ADAMTS3: variants seen among roughly 807,000 people sequenced by gnomAD.
ADAMTS3 encodes A disintegrin and metalloproteinase with thrombospondin motifs 3.
Under a neutral mutation model 129.0 loss-of-function variants are expected in ADAMTS3, and 73 were observed. The ratio of observed to expected loss-of-function variants is 0.57; its 90% CI spans 0.47 to 0.69. The LOEUF (loss-of-function observed/expected upper bound fraction) is 0.69, where lower values mean the gene tolerates loss of function less well. Among genes scored for constraint, ADAMTS3 ranks in the 30% least tolerant of loss-of-function variants. The pLI is 0.00. For synonymous variants in ADAMTS3, 477 were observed against 510.8 expected (o/e 0.93, Z 0.89); for missense variants, 1,457 against 1,514.5 (o/e 0.96, Z 0.63).
At position 72,443,754 on chromosome 4, in the gene ADAMTS3, A is replaced by G. The variant is rs995938846; in HGVS notation, c.505-28783T>C. Among the ~76,000 whole-genome samples the G allele has an allele frequency of 4.6e-5, 7 of 150,664 alleles. 1 individual carries two copies. Among genetic ancestry groups the G allele is most frequent in the Admixed American group, 4.6e-4 (7 of 15,092 alleles). On this transcript the variant is annotated intron_variant, in intron 3 of 21. Transcript: ENST00000286657. ...TTCCCATTTGAACCACTCCTTTTTC[A>G]TGTTTTTACTATTATTAGGTTAATT... is the stretch of plus-strand genomic sequence containing the variant.
At chr4:72,410,327 C>T (rs1722155827) in intron 4 of ADAMTS3, among the ~76,000 whole-genome samples, 1 of 152,252 alleles carries the variant, frequency 6.6e-6, no homozygotes, top group South Asian at 2.1e-4. Context: ...CCACCTGGGA[C>T]AAAAACACGC....
intron 19 of ADAMTS3, among the ~76,000 whole-genome samples, chr4:72,291,399 C>A: frequency 8.0e-6 from 1 of 124,498 alleles, no homozygotes. Context: ...TATCCCTCCC[C>A]CTCCCCCCAC....
intron 4 of ADAMTS3, among the ~76,000 whole-genome samples, chr4:72,373,121 G>A (rs961252965): frequency 1.3e-5 from 2 of 152,062 alleles, no homozygotes; most frequent in South Asian, 2.1e-4. Flanking sequence ...ACATGGAAAC[G>A]GAAAGGTCAA....
chr4:72,529,870 T>A (rs1406646769), intron 3 of ADAMTS3, among the ~76,000 whole-genome samples: 2 of 77,120 alleles, frequency 2.6e-5, no homozygotes, highest in African/African-American at 1.1e-4. Context: ...ATATATAATA[T>A]AAATTATATA....
intron 4 of ADAMTS3, among the ~76,000 whole-genome samples, chr4:72,394,157 C>T (rs1235647620): frequency 6.6e-6 from 1 of 152,128 alleles, no homozygotes; most frequent in Non-Finnish European, 1.5e-5. Flanking sequence ...AAAAAACCCA[C>T]AGCTGAGCCC....
At chr4:72,519,243 T>C (rs889416391) in intron 3 of ADAMTS3, among the ~76,000 whole-genome samples, 5 of 152,216 alleles carry the variant, frequency 3.3e-5, no homozygotes, top group Admixed American at 2.0e-4. Context: ...GTGGGTAACC[T>C]GACATTTCTC....
intron 4 of ADAMTS3, among the ~76,000 whole-genome samples, chr4:72,408,367 G>GCA (rs369261807): frequency 2.2e-4 from 33 of 151,266 alleles, no homozygotes; most frequent in Non-Finnish European, 3.8e-4. Flanking sequence ...CATAGGAGGT[G>GCA]CACACACACA....
rs750752703 is a variant in ADAMTS3, at chr4:72,475,025, T to TC, written c.505-60055_505-60054insG. Among the ~76,000 whole-genome samples, 975 of 133,630 alleles carry TC rather than the reference T, an allele frequency of 7.3e-3. 11 individuals carry two copies. The highest frequency in any genetic ancestry group is 0.011 in the Non-Finnish European group (719 of 63,068). 87.7% of individuals were successfully genotyped at this position (133,630 alleles called of 152,430 possible). ...CTGGGCGACAGAGCGAGACTCCGTC[T>TC]AAAAAAAAAAAAGAAAAAAGAATTC... On this transcript the variant is annotated intron_variant, in intron 3 of 21. Transcript: ENST00000286657.
At chr4:72,533,920 G>A (rs1211853663) in intron 3 of ADAMTS3, among the ~76,000 whole-genome samples, 1 of 152,100 alleles carries the variant, frequency 6.6e-6, no homozygotes, top group African/African-American at 2.4e-5. Flanking sequence ...AATTTCTTTT[G>A]CAGGCCATAA....
At chr4:72,537,795 C>T (rs1721219351) in intron 3 of ADAMTS3, among the ~76,000 whole-genome samples, 1 of 152,082 alleles carries the variant, frequency 6.6e-6, no homozygotes, top group Non-Finnish European at 1.5e-5. Flanking sequence ...GATACGGTTC[C>T]TAAACAAGAC....
rs1410668926 is a variant in ADAMTS3 at position 72,548,469 on chromosome 4, G to T, written c.504+9C>A. The T allele has an allele frequency of 6.2e-7, 1 of 1,611,744 alleles. No individual in the cohort carries two copies. The highest frequency in any genetic ancestry group is 1.1e-5 in the South Asian group (1 of 90,846). ...TGCAAACATACGCACAAAACAGAAG[G>T]AGTCTTACCAGACCATCACAGTTGC... is the stretch of plus-strand genomic sequence containing the variant. On this transcript the variant is annotated intron_variant, in intron 3 of 21. Coordinates refer to ENST00000286657, the MANE Select transcript of ADAMTS3 (RefSeq NM_014243.3).
intron 4 of ADAMTS3, among the ~76,000 whole-genome samples, chr4:72,388,767 C>T (rs892838405): frequency 6.6e-6 from 1 of 152,010 alleles, no homozygotes; most frequent in African/African-American, 2.4e-5. Flanking sequence ...GCATATAGTC[C>T]TGTTCATGGT....
chr4:72,439,442 C>A (rs945561250), intron 3 of ADAMTS3, among the ~76,000 whole-genome samples: 4 of 151,562 alleles, frequency 2.6e-5, no homozygotes, highest in African/African-American at 7.3e-5. Context: ...ATGAGTAAGG[C>A]CTTAGTCAAA....
At chr4:72,529,288 T>C (rs1720895994) in intron 3 of ADAMTS3, among the ~76,000 whole-genome samples, 1 of 152,074 alleles carries the variant, frequency 6.6e-6, no homozygotes, top group African/African-American at 2.4e-5. Context: ...TGTAGGACAG[T>C]GGCTCTCAAA....
Position 72,532,055 on chromosome 4 carries a change from A to G in ADAMTS3, c.504+16423T>C, listed in dbSNP as rs1223397888. ...AAAGGGCCAGACAGTATTACAGACAAAAAAAAAAAAAAGTTGAAATTTCCT... is the reference window on the plus strand; with the variant it reads ...AAAGGGCCAGACAGTATTACAGACAGAAAAAAAAAAAAGTTGAAATTTCCT... On this transcript the variant is annotated intron_variant, in intron 3 of 21. Transcript: ENST00000286657. Among the ~76,000 whole-genome samples, 62 of 143,614 alleles carry G rather than the reference A, an allele frequency of 4.3e-4. 1 individual carries two copies. 94.2% of individuals were successfully genotyped at this position (143,614 alleles called of 152,430 possible).
intron 4 of ADAMTS3, among the ~76,000 whole-genome samples, chr4:72,401,982 C>T (rs1173838391): frequency 6.6e-6 from 1 of 152,168 alleles, no homozygotes; most frequent in Admixed American, 6.5e-5. Flanking sequence ...ATCTAAGACA[C>T]TGAATCGATC....
At chr4:72,548,980 C>T in intron 2 of ADAMTS3, 96 bp from the exon 3 acceptor site, 1 of 1,089,978 alleles carries the variant, frequency 9.2e-7, no homozygotes, top group Non-Finnish European at 1.3e-6. Context: ...CAAGACCATA[C>T]TTCAATGTGC....
intron 3 of ADAMTS3, among the ~76,000 whole-genome samples, chr4:72,423,151 C>CT (rs930979525): frequency 6.6e-6 from 1 of 151,990 alleles, no homozygotes. Flanking sequence ...AGATGGGTAG[C>CT]TTTTTTTGGT....
intron 4 of ADAMTS3, among the ~76,000 whole-genome samples, chr4:72,343,006 G>A (rs1560479998): frequency 1.3e-5 from 2 of 152,220 alleles, no homozygotes; most frequent in Admixed American, 1.3e-4. Flanking sequence ...TCTCCTGTGA[G>A]AGAGAAGGGC....
Sources: gnomAD v4.1 joint callset for allele counts (sites outside exome capture counted in the v4.1 genomes callset) on GRCh38, gnomAD v4.1.1 for gene constraint, MANE v1.5 for transcripts, NCBI Gene and HGNC (gene_info 2026-07-23, HGNC 2026-07-21) for gene names.